TENM3: variants seen among roughly 807,000 people sequenced by gnomAD.
TENM3 encodes teneurin transmembrane protein 3.
A neutral mutation model predicts 255.1 loss-of-function variants in TENM3; 63 were observed. The ratio of observed to expected loss-of-function variants is 0.25; its 90% CI spans 0.20 to 0.30. The LOEUF (loss-of-function observed/expected upper bound fraction) is 0.30. Among genes scored for constraint, TENM3 ranks in the 10% least tolerant of loss-of-function variants. The pLI, the probability that TENM3 is intolerant of heterozygous loss-of-function variation, is 1.00. For synonymous variants in TENM3, 1,306 were observed against 1,322.3 expected (o/e 0.99, Z 0.27); for missense variants, 2,929 against 3,461.1 (o/e 0.85, Z 3.86).
intron 18 of TENM3, among the ~76,000 whole-genome samples, chr4:182,739,608 G>A (rs28510496): frequency 0.061 from 9,311 of 152,184 alleles, 453 homozygotes; most frequent in Admixed American, 0.14. Context: ...CTAATGGTCA[G>A]TTTTTCATAT....
intron 1 of TENM3, among the ~76,000 whole-genome samples, chr4:182,167,145 C>G (rs1366441875): frequency 1.3e-5 from 2 of 152,136 alleles, no homozygotes; most frequent in African/African-American, 4.8e-5. Flanking sequence ...GTAATCTTTG[C>G]TGGTGCTCAA....
chr4:182,027,903 CAG>C, the TENM3 span, among the ~76,000 whole-genome samples: 2 of 151,764 alleles, frequency 1.3e-5, no homozygotes, highest in African/African-American at 4.8e-5. Context: ...CAATATTCAT[CAG>C]AGATATTGGC....
chr4:182,658,334 C>T (rs11726313), intron 6 of TENM3, among the ~76,000 whole-genome samples: 46,886 of 152,080 alleles, frequency 0.31, 7,767 homozygotes, highest in South Asian at 0.46. Context: ...TCCCTAAATA[C>T]TGCTGTTTCT....
chr4:182,461,761 C>G (rs2151391875), intron 3 of TENM3, among the ~76,000 whole-genome samples: 1 of 152,272 alleles, frequency 6.6e-6, no homozygotes, highest in Admixed American at 6.5e-5. Flanking sequence ...TCTTCAGAGC[C>G]TAGAACAGTG....
chr4:181,511,086 A>G, the TENM3 span, among the ~76,000 whole-genome samples: 1 of 152,222 alleles, frequency 6.6e-6, no homozygotes, highest in Non-Finnish European at 1.5e-5. Context: ...GGTCGCTGGA[A>G]CCAGGGATGC....
intron 3 of TENM3, among the ~76,000 whole-genome samples, chr4:182,593,906 C>T (rs888788215): frequency 2.0e-5 from 3 of 152,098 alleles, no homozygotes; most frequent in African/African-American, 7.2e-5. Flanking sequence ...AGGCTGTAAA[C>T]CAGGGAGGAG....
chr4:182,582,869 G>A (rs957332675), intron 3 of TENM3, among the ~76,000 whole-genome samples: 3 of 152,160 alleles, frequency 2.0e-5, no homozygotes, highest in South Asian at 2.1e-4. Context: ...CCTTACAGAA[G>A]TAATGAGAAT....
At chr4:182,048,261 C>T in the TENM3 span, among the ~76,000 whole-genome samples, 1 of 152,090 alleles carries the variant, frequency 6.6e-6, no homozygotes, top group African/African-American at 2.4e-5. Context: ...TATCTACTAA[C>T]AAGAGTATAT....
the TENM3 span, among the ~76,000 whole-genome samples, chr4:182,129,862 A>G: frequency 6.6e-6 from 1 of 152,156 alleles, no homozygotes; most frequent in Admixed American, 6.5e-5. Flanking sequence ...ATAACACTAT[A>G]GTAGGAGAAA....
At chr4:182,090,437 T>G in the TENM3 span, among the ~76,000 whole-genome samples, 1 of 152,064 alleles carries the variant, frequency 6.6e-6, no homozygotes, top group Non-Finnish European at 1.5e-5. Flanking sequence ...TCCAACTGAA[T>G]AAAGATCCCT....
chr4:182,459,146 C>A (rs940462230), intron 3 of TENM3, among the ~76,000 whole-genome samples: 28 of 152,126 alleles, frequency 1.8e-4, no homozygotes, highest in Non-Finnish European at 4.4e-5. Context: ...GCTTGACTAA[C>A]CAGCATTTCA....
At chr4:181,619,484 C>T in the TENM3 span, among the ~76,000 whole-genome samples, 14 of 152,062 alleles carry the variant, frequency 9.2e-5, no homozygotes, top group African/African-American at 1.9e-4. Flanking sequence ...TGTAGTGGCA[C>T]GATCATTGCT....
chr4:182,669,231 CAT>C (rs1174848250), intron 6 of TENM3, among the ~76,000 whole-genome samples: 1 of 150,778 alleles, frequency 6.6e-6, no homozygotes, highest in African/African-American at 2.5e-5. Context: ...TGAATTATAA[CAT>C]AAAGAGTATT....
intron 24 of TENM3, among the ~76,000 whole-genome samples, chr4:182,787,054 A>G (rs191548957): frequency 1.8e-3 from 274 of 152,314 alleles, no homozygotes; most frequent in African/African-American, 6.4e-3. Context: ...AAATATATAT[A>G]TGTAACTAGC....
chr4:182,393,599 A>G (rs1268837931), intron 3 of TENM3, among the ~76,000 whole-genome samples: 1 of 152,210 alleles, frequency 6.6e-6, no homozygotes, highest in African/African-American at 2.4e-5. Flanking sequence ...CAGAGTAGAC[A>G]TTGACAAAAC....
intron 1 of TENM3, among the ~76,000 whole-genome samples, chr4:182,196,509 G>A (rs1029838543): frequency 2.0e-5 from 3 of 152,122 alleles, no homozygotes; most frequent in African/African-American, 4.8e-5. Context: ...CTGGGTGGCA[G>A]GAGGTAAGCC....
At chr4:181,461,236 A>G in the TENM3 span, among the ~76,000 whole-genome samples, 1 of 151,928 alleles carries the variant, frequency 6.6e-6, no homozygotes, top group Non-Finnish European at 1.5e-5. Context: ...GCTGTCGCAA[A>G]GTCTATTGTA....
At chr4:181,843,078 C>G in the TENM3 span, among the ~76,000 whole-genome samples, 5 of 152,162 alleles carry the variant, frequency 3.3e-5, no homozygotes, top group Non-Finnish European at 5.9e-5. Flanking sequence ...ATTAACTAAG[C>G]TTTTCCTTCA....
chr4:182,035,561 A>G, the TENM3 span, among the ~76,000 whole-genome samples: 3 of 152,322 alleles, frequency 2.0e-5, no homozygotes, highest in East Asian at 3.9e-4. Flanking sequence ...TTTGACATGC[A>G]TATGACATTA....
Sources: allele counts gnomAD v4.1 joint callset (sites outside exome capture counted in the v4.1 genomes callset), GRCh38; gene constraint gnomAD v4.1.1; transcripts MANE v1.5; gene names NCBI Gene and HGNC (gene_info 2026-07-23, HGNC 2026-07-21).